SMG6: variants seen among roughly 807,000 people sequenced by gnomAD.
SMG6 encodes telomerase-binding protein EST1A.
SMG6 carries 66 observed loss-of-function variants against 142.2 expected under a neutral mutation model. That is an observed-to-expected ratio of 0.46 (90% CI 0.38 to 0.57). SMG6 has a LOEUF of 0.57. Among genes scored for constraint, SMG6 ranks in the 20% least tolerant of loss-of-function variants. SMG6 has a pLI of 0.00. For missense variants in SMG6, 1,793 were observed against 1,832.0 expected (o/e 0.98, Z 0.39); for synonymous variants, 779 against 702.4 (o/e 1.11, Z -1.72).
chr17:2,190,919 C>T (rs1016832252), intron 10 of SMG6, among the ~76,000 whole-genome samples: 3 of 152,188 alleles, frequency 2.0e-5, no homozygotes, highest in African/African-American at 7.2e-5. Context: ...ATTTTACAAA[C>T]GATCAAGGGG....
rs1052363037 is a variant in SMG6 at position 2,302,887 on chromosome 17, T to C, written c.88+746A>G. The C allele has an allele frequency of 2.1e-4, 171 of 817,874 alleles. 2 individuals carry two copies. The highest frequency in any genetic ancestry group is 1.4e-3 in the South Asian group (25 of 17,874). The allele number at this position is 817,874 out of a possible 1,614,324, so 50.7% of individuals were successfully genotyped here. A position where few individuals can be genotyped will look rare whatever the true frequency, so the allele number is the denominator to read the frequency against. ...GAAAATAGCCTTAATAATCCAATTA[T>C]GTTAATCAACAAAAACCAATTTCAC... On this transcript the variant is annotated intron_variant, in intron 1 of 18. Coordinates refer to ENST00000263073, the MANE Select transcript of SMG6 (RefSeq NM_017575.5).
intron 8 of SMG6, among the ~76,000 whole-genome samples, chr17:2,261,150 CAA>C (rs752896452): frequency 4.4e-5 from 6 of 136,870 alleles, no homozygotes; most frequent in Admixed American, 7.4e-5. Context: ...ACTAAAAATA[CAA>C]AAAAAAAAAA....
intron 13 of SMG6, among the ~76,000 whole-genome samples, chr17:2,127,017 T>C (rs2069912632): frequency 6.6e-6 from 1 of 151,300 alleles, no homozygotes; most frequent in Non-Finnish European, 1.5e-5. Context: ...TACGTGCTTG[T>C]GGTCCCAGCT....
At chr17:2,244,896 C>T (rs1489729895) in intron 8 of SMG6, 177 bp from the exon 9 acceptor site, 5 of 598,420 alleles carry the variant, frequency 8.4e-6, no homozygotes, top group Non-Finnish European at 1.5e-5. Context: ...CCAACAGCTG[C>T]CGCTCAGCTG....
intron 8 of SMG6, among the ~76,000 whole-genome samples, chr17:2,249,760 C>A (rs923414692): frequency 6.6e-6 from 1 of 152,204 alleles, no homozygotes; most frequent in Non-Finnish European, 1.5e-5. Context: ...AACAAAAATG[C>A]TTCTTGGGTG....
intron 13 of SMG6, among the ~76,000 whole-genome samples, chr17:2,169,234 C>G (rs1438507032): frequency 6.6e-6 from 1 of 151,020 alleles, no homozygotes; most frequent in Non-Finnish European, 1.5e-5. Context: ...ATTGCTTGTG[C>G]GCAGGAATTT....
intron 13 of SMG6, among the ~76,000 whole-genome samples, chr17:2,137,217 C>T (rs968933491): frequency 2.6e-5 from 4 of 152,070 alleles, no homozygotes; most frequent in African/African-American, 9.7e-5. Context: ...TTACTAACCA[C>T]GGAACGCTTC....
intron 10 of SMG6, among the ~76,000 whole-genome samples, chr17:2,190,360 A>G (rs2072121920): frequency 1.3e-5 from 2 of 152,214 alleles, no homozygotes; most frequent in Admixed American, 1.3e-4. Flanking sequence ...TGCACTCAGA[A>G]GGCTAGAAGG....
rs774246452 is a variant in SMG6 at position 2,065,573 on chromosome 17, G to C, written c.3942C>G (p.Leu1314=). The C allele has an allele frequency of 5.0e-6, 8 of 1,614,062 alleles. No homozygotes were observed. The highest frequency in any genetic ancestry group is 2.2e-5 in the East Asian group (1 of 44,884). The change falls in exon 17 of 19, where the codon CTC becomes CTG. Residue 1314 remains leucine (L), a synonymous_variant. Coordinates refer to ENST00000263073, the MANE Select transcript of SMG6 (RefSeq NM_017575.5). The stretch of plus-strand genomic sequence containing the variant: ...AGTCCCGACTCTCGAATCGCTGCTC[G>C]AGGAACTCGATGGACTTGCGGGCCT... ...QEKARKSIEF[L]EQRFESRDSC...
chr17:2,085,685 G>A lies in SMG6; in HGVS notation c.3534+40C>T. ...GAAGCCACGAGCAGAATGGGGAGGGGGCCTTCCCTCTGCCACAGCGGGCTC... is the reference window on the plus strand; with the variant it reads ...GAAGCCACGAGCAGAATGGGGAGGGAGCCTTCCCTCTGCCACAGCGGGCTC... On this transcript the variant is annotated intron_variant, in intron 14 of 18. Coordinates refer to ENST00000263073, the MANE Select transcript of SMG6 (RefSeq NM_017575.5). The surrounding 1 kb of genome is among the most constrained non-coding windows in gnomAD (Gnocchi z 4.1). The A allele has an allele frequency of 1.3e-6, 2 of 1,579,302 alleles. No individual in the cohort carries two copies. Among genetic ancestry groups the A allele is most frequent in the Non-Finnish European group, 1.7e-6 (2 of 1,159,898 alleles).
In SMG6 at chr17:2,121,587, CTGTGTGTGTGTGTGTGTGTGTG is replaced by C. The variant is rs71150850; in HGVS notation, c.3358-35708_3358-35687del. On this transcript the variant is annotated intron_variant, in intron 13 of 18. Coordinates refer to ENST00000263073, the MANE Select transcript of SMG6 (RefSeq NM_017575.5). ...TATATGTATATATGTACATGTCTGT[CTGTGTGTGTGTGTGTGTGTGTG>C]TGTGTGTGTGTGTGTGTGTGTGTGT... is the stretch of plus-strand genomic sequence containing the variant. 2.8e-3 allele frequency among the ~76,000 whole-genome samples: 390 copies of C among 139,858 alleles called. 4 individuals are homozygous for C. Among genetic ancestry groups the C allele is most frequent in the African/African-American group, 6.9e-3 (262 of 37,762 alleles). The allele number at this position is 139,858 out of a possible 152,430, so 91.8% of individuals were successfully genotyped here.
chr17:2,191,297 G>A (rs528556697), intron 10 of SMG6, among the ~76,000 whole-genome samples: 8 of 152,232 alleles, frequency 5.3e-5, no homozygotes, highest in Non-Finnish European at 8.8e-5. Context: ...AGCATTCACC[G>A]TTACACAAGT....
intron 8 of SMG6, among the ~76,000 whole-genome samples, chr17:2,262,774 G>T (rs991224572): frequency 6.6e-6 from 1 of 151,984 alleles, no homozygotes; most frequent in Non-Finnish European, 1.5e-5. Flanking sequence ...TTGAGGGAAG[G>T]ACCAACATCA....
Position 2,065,065 on chromosome 17 carries a change from A to G in SMG6, c.4129+8T>C, listed in dbSNP as rs1280695300. On this transcript the variant is annotated splice_region_variant and intron_variant, in intron 18 of 18. Transcript: ENST00000263073. The stretch of plus-strand genomic sequence containing the variant: ...ATGGAAGATCCCAAGGCGGAGGCAA[A>G]GCTGTACCTTTGCTGGCGGGCATGA... 6.2e-7 allele frequency: 1 copy of G among 1,612,100 alleles called. No homozygotes were observed. The highest frequency in any genetic ancestry group is 8.5e-7 in the Non-Finnish European group (1 of 1,178,518).
chr17:2,234,722 A>T (rs2169356), intron 10 of SMG6, among the ~76,000 whole-genome samples: 56,905 of 150,402 alleles, frequency 0.38, 10,972 homozygotes, highest in Middle Eastern at 0.45. Context: ...TATTATTATT[A>T]TTTGAGATGG....
chr17:2,205,212 G>A (rs1287921471), intron 10 of SMG6, among the ~76,000 whole-genome samples: 1 of 151,898 alleles, frequency 6.6e-6, no homozygotes, highest in African/African-American at 2.4e-5. Context: ...GGGATTACAG[G>A]TGCTCACCAC....
At chr17:2,172,885 G>A (rs2071548070) in intron 12 of SMG6, 26 bp from the exon 13 acceptor site, 7 of 1,609,606 alleles carry the variant, frequency 4.3e-6, no homozygotes, top group Non-Finnish European at 5.1e-6. Context: ...TAAGAAAAGA[G>A]CAGCTCTAAA....
At chr17:2,196,818 C>A (rs941913920) in intron 10 of SMG6, among the ~76,000 whole-genome samples, 1 of 152,152 alleles carries the variant, frequency 6.6e-6, no homozygotes, top group African/African-American at 2.4e-5. Context: ...TGCTTGAGAT[C>A]AGGAGTTTGA....
chr17:2,242,308 C>T (rs1218744231), intron 9 of SMG6, among the ~76,000 whole-genome samples: 1 of 139,404 alleles, frequency 7.2e-6, no homozygotes, highest in Non-Finnish European at 1.5e-5. Flanking sequence ...GTCAGGAGAT[C>T]GAGACCATCC....
Sources: gnomAD v4.1 joint callset for allele counts (sites outside exome capture counted in the v4.1 genomes callset) on GRCh38, gnomAD v4.1.1 for gene constraint, Gnocchi (gnomAD v3.1) non-coding constraint, MANE v1.5 for transcripts, NCBI Gene and HGNC (gene_info 2026-07-23, HGNC 2026-07-21) for gene names.